The following DCDC2 variants were observed in gnomAD, a reference collection of about 807,000 sequenced individuals.
DCDC2 encodes the protein doublecortin domain containing 2.
In DCDC2, 40 loss-of-function variants were observed where a neutral mutation model predicts 50.2. The observed-to-expected ratio is 0.80, with a 90% CI of 0.62 to 1.04. The LOEUF (loss-of-function observed/expected upper bound fraction) is 1.04, where lower values mean the gene tolerates loss of function less well. Among genes scored for constraint, DCDC2 ranks in the 50% least tolerant of loss-of-function variants. The pLI is 0.00. For synonymous variants in DCDC2, 234 were observed against 210.6 expected (o/e 1.11, Z -0.96); for missense variants, 570 against 581.9 (o/e 0.98, Z 0.21).
At chr6:24,285,234 A>ATT (rs1561758422) in intron 6 of DCDC2, among the ~76,000 whole-genome samples, 1 of 151,962 alleles carries the variant, frequency 6.6e-6, no homozygotes, top group African/African-American at 2.4e-5. Context: ...AGAGGGACAA[A>ATT]CTCTGCTATC....
intron 7 of DCDC2, among the ~76,000 whole-genome samples, chr6:24,210,098 C>A (rs936628412): frequency 4.7e-5 from 7 of 149,658 alleles, no homozygotes; most frequent in Non-Finnish European, 1.0e-4. Context: ...CTGTCTTCAC[C>A]CTCCTGGTTT....
chr6:24,239,935 A>G (rs1762530693), intron 7 of DCDC2, among the ~76,000 whole-genome samples: 1 of 152,204 alleles, frequency 6.6e-6, no homozygotes, highest in Admixed American at 6.5e-5. Context: ...TACATATAAT[A>G]ATATCATTCT....
intron 7 of DCDC2, among the ~76,000 whole-genome samples, chr6:24,242,112 T>C (rs1297676564): frequency 2.0e-5 from 3 of 152,154 alleles, no homozygotes; most frequent in African/African-American, 7.2e-5. Flanking sequence ...AAGTTGAGGC[T>C]GTCATGAGCT....
chr6:24,359,004 T>A (rs1274135817), upstream of DCDC2, among the ~76,000 whole-genome samples: 2 of 24,340 alleles, frequency 8.2e-5, no homozygotes, highest in Admixed American at 7.7e-4. Context: ...ATTATATATT[T>A]TATATATTAT....
At chr6:24,323,547 C>T (rs371535748) in intron 2 of DCDC2, among the ~76,000 whole-genome samples, 3 of 152,124 alleles carry the variant, frequency 2.0e-5, no homozygotes, top group South Asian at 4.1e-4. Flanking sequence ...TCTGTAAGTT[C>T]GGCAACTTTT....
the DCDC2 span, among the ~76,000 whole-genome samples, chr6:24,368,500 G>A: frequency 6.6e-6 from 1 of 152,186 alleles, no homozygotes; most frequent in African/African-American, 2.4e-5. Context: ...ATTAATGACT[G>A]ATTTCTCAAA....
intron 2 of DCDC2, among the ~76,000 whole-genome samples, chr6:24,338,732 G>C (rs1923169): frequency 0.32 from 49,300 of 152,010 alleles, 9,606 homozygotes; most frequent in African/African-American, 0.55. Context: ...GCAAACCTCT[G>C]CTTCCCAGGT....
intron 7 of DCDC2, among the ~76,000 whole-genome samples, chr6:24,261,162 C>T (rs1411129826): frequency 2.0e-5 from 3 of 150,984 alleles, no homozygotes; most frequent in African/African-American, 4.9e-5. Context: ...CTAACATCTT[C>T]TCCATATCCT....
intron 2 of DCDC2, among the ~76,000 whole-genome samples, chr6:24,320,519 A>G (rs1449900654): frequency 6.6e-6 from 1 of 152,082 alleles, no homozygotes; most frequent in South Asian, 2.1e-4. Context: ...TTTAGTAGAG[A>G]CAGGGTTTCA....
At chr6:24,249,754 T>C (rs956497141) in intron 7 of DCDC2, among the ~76,000 whole-genome samples, 1 of 152,206 alleles carries the variant, frequency 6.6e-6, no homozygotes, top group Non-Finnish European at 1.5e-5. Flanking sequence ...AGCACTGTGT[T>C]TGGGGATAGT....
At chr6:24,229,852 A>G (rs12205956) in intron 7 of DCDC2, among the ~76,000 whole-genome samples, 7,974 of 152,198 alleles carry the variant, frequency 0.052, 272 homozygotes, top group Middle Eastern at 0.075. Flanking sequence ...TGATCTCAGG[A>G]GTGTAGAAGT....
At chr6:24,259,123 C>G (rs1353752228) in intron 7 of DCDC2, among the ~76,000 whole-genome samples, 3 of 120,624 alleles carry the variant, frequency 2.5e-5, no homozygotes, top group South Asian at 3.2e-4. Flanking sequence ...TCCAAAGATA[C>G]AAGACATGTG....
chr6:24,225,704 A>T (rs1020777942), intron 7 of DCDC2, among the ~76,000 whole-genome samples: 10 of 117,316 alleles, frequency 8.5e-5, no homozygotes, highest in African/African-American at 3.5e-4. Flanking sequence ...GAAAGTTTTC[A>T]CACACACACA....
intron 9 of DCDC2, among the ~76,000 whole-genome samples, chr6:24,178,112 G>A (rs960086889): frequency 3.3e-5 from 5 of 152,186 alleles, no homozygotes; most frequent in Non-Finnish European, 7.3e-5. Context: ...ATGTATGAAT[G>A]GCAGAAGGGC....
chr6:24,207,328 T>C (rs1761742737), intron 7 of DCDC2, among the ~76,000 whole-genome samples: 1 of 149,910 alleles, frequency 6.7e-6, no homozygotes, highest in Non-Finnish European at 1.5e-5. Flanking sequence ...CTCGTAAAAC[T>C]GGGATCTTAT....
intron 4 of DCDC2, among the ~76,000 whole-genome samples, chr6:24,300,428 T>C (rs1232873856): frequency 1.3e-5 from 2 of 152,156 alleles, no homozygotes; most frequent in African/African-American, 4.8e-5. Flanking sequence ...TGCACATGCA[T>C]AGAATATTTC....
upstream of DCDC2, among the ~76,000 whole-genome samples, chr6:24,361,508 T>C (rs1282049300): frequency 6.6e-6 from 1 of 152,092 alleles, no homozygotes; most frequent in Non-Finnish European, 1.5e-5. Context: ...AAGGGAAATT[T>C]TGTGAGCTGC....
chr6:24,196,233 T>C (rs1483793123), intron 8 of DCDC2, among the ~76,000 whole-genome samples: 1 of 151,862 alleles, frequency 6.6e-6, no homozygotes, highest in Non-Finnish European at 1.5e-5. Flanking sequence ...CTTTTTTTTT[T>C]TATGCAATAC....
At chr6:24,293,280 G>T in intron 4 of DCDC2, among the ~76,000 whole-genome samples, 1 of 152,064 alleles carries the variant, frequency 6.6e-6, no homozygotes, top group African/African-American at 2.4e-5. Flanking sequence ...TATAACTGTT[G>T]TTGCTCTACT....
Sources: allele counts gnomAD v4.1 joint callset (sites outside exome capture counted in the v4.1 genomes callset), GRCh38; gene constraint gnomAD v4.1.1; transcripts MANE v1.5; gene names NCBI Gene and HGNC (gene_info 2026-07-23, HGNC 2026-07-21).